The following PDE2A variants were observed in gnomAD, a reference collection of about 807,000 sequenced individuals.
The protein encoded by PDE2A is cGMP-dependent 3',5'-cyclic phosphodiesterase.
In PDE2A, 53 loss-of-function variants were observed where a neutral mutation model predicts 133.6. The observed-to-expected ratio is 0.40, with a 90% CI of 0.32 to 0.50. PDE2A has a LOEUF of 0.50. PDE2A is among the 20% of genes least tolerant of loss of function. PDE2A has a pLI of 0.73. For missense variants in PDE2A, 796 were observed against 1,232.4 expected (o/e 0.65, Z 5.30); for synonymous variants, 491 against 490.2 (o/e 1.00, Z -0.02).
At chr11:72,589,021 G>T in intron 12 of PDE2A, 107 bp from the exon 13 acceptor site, 1 of 1,315,256 alleles carries the variant, frequency 7.6e-7, no homozygotes, top group Non-Finnish European at 1.1e-6. Context: ...ACTCATGCAA[G>T]GCTGGAAGCT....
chr11:72,579,585 G>C lies in PDE2A; in HGVS notation c.2205C>G (p.Ile735Met), dbSNP rs392565. The C allele has an allele frequency of 6.2e-7, 1 of 1,609,570 alleles. No individual in the cohort carries two copies. The highest frequency in any genetic ancestry group is 8.5e-7 in the Non-Finnish European group (1 of 1,177,246). The change falls in exon 26 of 31, where the codon ATC becomes ATG. Residue 735 changes from isoleucine to methionine, a missense_variant. This residue lies in a region of PDE2A where 218 missense variants were observed against 465.9 expected (regional missense o/e 0.47). Coordinates refer to ENST00000334456, the MANE Select transcript of PDE2A (RefSeq NM_002599.5). ...VMERHHFAQAIAILNTHGCNI... is the reference protein window; with the variant it reads ...VMERHHFAQAMAILNTHGCNI... ...TGCAGCCGTGGGTGTTGAGGATGGC[G>C]ATGGCCTGAGCAAAGTGGTGCCTCT...
intron 1 of PDE2A, among the ~76,000 whole-genome samples, chr11:72,644,195 A>T (rs1167878861): frequency 6.6e-6 from 1 of 152,124 alleles, no homozygotes; most frequent in Non-Finnish European, 1.5e-5. Context: ...CCCTCTGGGT[A>T]GCCCTTTTTT....
At position 72,597,484 on chromosome 11, in the gene PDE2A, G is replaced by T; in HGVS notation, c.433+26C>A. On this transcript the variant is annotated intron_variant, in intron 5 of 30. Transcript: ENST00000334456. This position sits in a 1 kb window ranked among gnomAD's most constrained non-coding sequence, Gnocchi z 4.6. ...ACAGTCCCTCCCTGCCCCTGCCCCT[G>T]CCCCTGCCCAGCCCCTAGCCCTTAC... The T allele has an allele frequency of 1.4e-6, 2 of 1,395,062 alleles. No homozygotes were observed. The highest frequency in any genetic ancestry group is 2.0e-6 in the Non-Finnish European group (2 of 993,972). The allele number at this position is 1,395,062 out of a possible 1,614,324, so 86.4% of individuals were successfully genotyped here. A position where few individuals can be genotyped will look rare whatever the true frequency, so the allele number is the denominator to read the frequency against.
chr11:72,664,498 C>T (rs1044660056), intron 1 of PDE2A, among the ~76,000 whole-genome samples: 7 of 149,742 alleles, frequency 4.7e-5, no homozygotes, highest in African/African-American at 7.4e-5. Context: ...CTCAGCCTCC[C>T]GAGTAGCTGG....
intron 1 of PDE2A, among the ~76,000 whole-genome samples, chr11:72,650,301 G>A (rs909583291): frequency 1.3e-5 from 2 of 149,636 alleles, no homozygotes; most frequent in Admixed American, 1.3e-4. Context: ...GGGATTACAG[G>A]CGTGAGCCAC....
At chr11:72,652,811 GA>G (rs2135449806) in intron 1 of PDE2A, 2 of 434,174 alleles carry the variant, frequency 4.6e-6, no homozygotes, top group East Asian at 7.0e-5. Flanking sequence ...CTGACTTGGG[GA>G]AAAGAGCCCA....
chr11:72,617,348 G>T (rs78158896), intron 2 of PDE2A, among the ~76,000 whole-genome samples: 114 of 152,318 alleles, frequency 7.5e-4, no homozygotes, highest in Middle Eastern at 6.8e-3. Context: ...CAGCCATGCT[G>T]GTCTTCTTAG....
At chr11:72,662,656 T>C (rs146659548) in intron 1 of PDE2A, among the ~76,000 whole-genome samples, 7 of 152,228 alleles carry the variant, frequency 4.6e-5, no homozygotes, top group Admixed American at 2.0e-4. Context: ...CACACCTGCA[T>C]TGGTGGGCAG....
chr11:72,636,026 C>T (rs1397469069), intron 2 of PDE2A: 1 of 1,265,506 alleles, frequency 7.9e-7, no homozygotes, highest in Non-Finnish European at 1.0e-6. Context: ...CCAGTGGCAG[C>T]CCCCAGTAGA....
intron 2 of PDE2A, among the ~76,000 whole-genome samples, chr11:72,627,294 C>T (rs186773455): frequency 3.4e-4 from 52 of 152,358 alleles, no homozygotes; most frequent in Middle Eastern, 3.4e-3. Flanking sequence ...GATACACTAC[C>T]CACAGCACCC....
rs530088352 is a variant in PDE2A, at chr11:72,591,318, G to T, written c.528C>A (p.Ser176Arg). 9.9e-6 allele frequency: 16 copies of T among 1,613,804 alleles called. No homozygotes were observed. The East Asian group carries it at 2.9e-4, about 29-fold the overall frequency. Residue 176 changes from serine to arginine, a missense_variant, in exon 7 of 31, where the codon AGC (serine) becomes AGA (arginine). Transcript: ENST00000334456. ...TCACATGCTTCTCCACCGCCTGCAG[G>T]CTCCATTCCTCATTATCACTCAGCT... ...CGQLSDNEEW[S>R]LQAVEKHTLV... is the part of the protein sequence containing the mutation.
intron 26 of PDE2A, 48 bp downstream of exon 26, chr11:72,579,486 C>T: frequency 6.4e-7 from 1 of 1,562,006 alleles, no homozygotes; most frequent in Non-Finnish European, 8.7e-7. Context: ...CACCTCCAGC[C>T]AGCTCCCAGC....
chr11:72,584,375 T>TCCGG (rs1565150238), intron 18 of PDE2A, 62 bp from the exon 19 acceptor site: 1 of 1,305,290 alleles, frequency 7.7e-7, no homozygotes, highest in South Asian at 1.2e-5. Context: ...GAGGGAGGGA[T>TCCGG]CCGGCCGGGA....
At position 72,674,132 on chromosome 11, in the gene PDE2A, C is replaced by T; in HGVS notation, c.71+5G>A. The T allele has an allele frequency of 6.2e-7, 1 of 1,613,074 alleles. No homozygotes were observed. The highest frequency in any genetic ancestry group is 8.5e-7 in the Non-Finnish European group (1 of 1,179,640). ...CTCACCACCCCAGCCCCTCACTATA[C>T]TCACGGCTCAGCCGGTCGCGCTGCC... On this transcript the variant is annotated splice_donor_5th_base_variant and intron_variant, in intron 1 of 30. Coordinates refer to ENST00000334456, the MANE Select transcript of PDE2A (RefSeq NM_002599.5).
At chr11:72,621,484 G>A (rs1857765515) in intron 2 of PDE2A, among the ~76,000 whole-genome samples, 1 of 152,196 alleles carries the variant, frequency 6.6e-6, no homozygotes, top group South Asian at 2.1e-4. Flanking sequence ...CATGACACCT[G>A]TGGCCTTCAC....
intron 18 of PDE2A, 39 bp from the exon 19 acceptor site, chr11:72,584,352 G>T (rs562575108): frequency 1.4e-6 from 2 of 1,406,138 alleles, no homozygotes; most frequent in Non-Finnish European, 2.0e-6. Context: ...CCGGTGGAGG[G>T]AGGGATCGGT....
Position 72,590,744 on chromosome 11 carries a change from C to A in PDE2A, c.550-164G>T, listed in dbSNP as rs1257339090. On this transcript the variant is annotated intron_variant, in intron 7 of 30. Transcript: ENST00000334456. This position sits in a 1 kb window ranked among gnomAD's most constrained non-coding sequence, Gnocchi z 4.8. ...CCTGGACTCTACCTTCCTGAGGGCT[C>A]CCCCGGGGGCTCCCACAGCCCCTGG... 6.6e-6 allele frequency among the ~76,000 whole-genome samples: 1 copy of A among 152,136 alleles called. No individual in the cohort carries two copies. The highest frequency in any genetic ancestry group is 1.9e-4 in the East Asian group (1 of 5,182).
intron 4 of PDE2A, among the ~76,000 whole-genome samples, chr11:72,602,575 C>T (rs954574724): frequency 6.6e-6 from 1 of 152,188 alleles, no homozygotes; most frequent in African/African-American, 2.4e-5. Flanking sequence ...TCGGAAGGAC[C>T]CTGTACCCAA....
At chr11:72,598,311 G>A (rs949937134) in intron 4 of PDE2A, among the ~76,000 whole-genome samples, 6 of 152,174 alleles carry the variant, frequency 3.9e-5, no homozygotes, top group Non-Finnish European at 8.8e-5. Flanking sequence ...CACTATGCTG[G>A]AACCTTCCCA....
Sources: gnomAD v4.1 joint callset for allele counts (sites outside exome capture counted in the v4.1 genomes callset) on GRCh38, gnomAD v4.1.1 for gene constraint, gnomAD v4.1.1 regional missense constraint, Gnocchi (gnomAD v3.1) non-coding constraint, MANE v1.5 for transcripts, NCBI Gene and HGNC (gene_info 2026-07-23, HGNC 2026-07-21) for gene names.